The following EPHA6 variants were observed in gnomAD, a reference collection of about 807,000 sequenced individuals.
EPHA6 encodes ephrin type-A receptor 6.
In EPHA6, 50 loss-of-function variants were observed where a neutral mutation model predicts 112.0. That is an observed-to-expected ratio of 0.45 (90% CI 0.36 to 0.56). EPHA6 has a LOEUF of 0.56. Among genes scored for constraint, EPHA6 ranks in the 20% least tolerant of loss-of-function variants. The pLI is 0.00. For synonymous variants in EPHA6, 529 were observed against 490.7 expected (o/e 1.08, Z -1.03); for missense variants, 1,280 against 1,417.4 (o/e 0.90, Z 1.56).
chr3:97,278,014 A>C (rs1369078547), intron 5 of EPHA6, among the ~76,000 whole-genome samples: 1 of 152,244 alleles, frequency 6.6e-6, no homozygotes, highest in Non-Finnish European at 1.5e-5. Context: ...TATGCTGTCT[A>C]TCGTTGACCG....
intron 2 of EPHA6, among the ~76,000 whole-genome samples, chr3:96,941,897 T>C (rs1168806235): frequency 7.0e-6 from 1 of 143,722 alleles, no homozygotes; most frequent in Admixed American, 6.7e-5. Context: ...CCAGCAGCGG[T>C]GGCTGTAGAA....
At chr3:97,285,654 C>T (rs990699741) in intron 5 of EPHA6, among the ~76,000 whole-genome samples, 1 of 151,076 alleles carries the variant, frequency 6.6e-6, no homozygotes, top group Non-Finnish European at 1.5e-5. Context: ...CATATATTTG[C>T]TATTGCAAAT....
At chr3:97,606,822 A>G (rs1214832156) in intron 12 of EPHA6, among the ~76,000 whole-genome samples, 1 of 151,198 alleles carries the variant, frequency 6.6e-6, no homozygotes, top group Non-Finnish European at 1.5e-5. Flanking sequence ...TATCTCTACA[A>G]CAGAAACATG....
intron 3 of EPHA6, among the ~76,000 whole-genome samples, chr3:97,012,585 A>ATGTG (rs200953475): frequency 1.6e-4 from 23 of 141,164 alleles, no homozygotes; most frequent in South Asian, 1.3e-3. Context: ...AAATTTATAT[A>ATGTG]TGTGTGTGTG....
chr3:97,369,820 A>T (rs2108974560), intron 5 of EPHA6, among the ~76,000 whole-genome samples: 1 of 152,230 alleles, frequency 6.6e-6, no homozygotes, highest in South Asian at 2.1e-4. Flanking sequence ...CCAGTTATTT[A>T]CCAAATTTAG....
intron 14 of EPHA6, among the ~76,000 whole-genome samples, chr3:97,669,585 T>C (rs1344403372): frequency 6.7e-6 from 1 of 149,606 alleles, no homozygotes. Flanking sequence ...AACATAGTGA[T>C]ATCCCATCTT....
intron 14 of EPHA6, among the ~76,000 whole-genome samples, chr3:97,707,935 T>A (rs2107755112): frequency 6.6e-6 from 1 of 152,342 alleles, no homozygotes; most frequent in Middle Eastern, 3.4e-3. Context: ...CTCAGCCATG[T>A]AGAACTGTAA....
intron 3 of EPHA6, among the ~76,000 whole-genome samples, chr3:97,173,940 A>G (rs183090435): frequency 2.2e-4 from 34 of 151,890 alleles, no homozygotes; most frequent in African/African-American, 8.2e-4. Context: ...TATTAACTAC[A>G]GTCACCCTAT....
chr3:97,533,248 G>C (rs1363286312), intron 11 of EPHA6, among the ~76,000 whole-genome samples: 4 of 151,852 alleles, frequency 2.6e-5, no homozygotes, highest in Admixed American at 6.6e-5. Context: ...ATCCAATACA[G>C]ATTTGGCCTT....
At chr3:97,061,705 C>A (rs1199419228) in intron 3 of EPHA6, among the ~76,000 whole-genome samples, 2 of 152,060 alleles carry the variant, frequency 1.3e-5, no homozygotes, top group African/African-American at 2.4e-5. Flanking sequence ...GTCACTTAAA[C>A]AATGATGCCC....
At chr3:97,235,026 G>C (rs1057355235) in intron 4 of EPHA6, among the ~76,000 whole-genome samples, 10 of 152,034 alleles carry the variant, frequency 6.6e-5, no homozygotes, top group Non-Finnish European at 1.3e-4. Flanking sequence ...TACTTGAAAT[G>C]CTCCTTCCTT....
chr3:97,433,970 C>A (rs1425346353), intron 6 of EPHA6, among the ~76,000 whole-genome samples: 1 of 152,020 alleles, frequency 6.6e-6, no homozygotes, highest in African/African-American at 2.4e-5. Context: ...CCACCAAACA[C>A]CTTAAATTTT....
chr3:97,085,960 T>C (rs1238192962), intron 3 of EPHA6, among the ~76,000 whole-genome samples: 1 of 142,318 alleles, frequency 7.0e-6, no homozygotes, highest in Non-Finnish European at 1.5e-5. Context: ...CACACTGAGA[T>C]GGAGTCTCTT....
intron 3 of EPHA6, among the ~76,000 whole-genome samples, chr3:97,219,057 A>C (rs2078115372): frequency 6.6e-6 from 1 of 152,138 alleles, no homozygotes; most frequent in African/African-American, 2.4e-5. Context: ...GGTCACCCTG[A>C]TGCAAGAGGT....
chr3:97,494,158 C>G (rs1178233578), intron 10 of EPHA6, among the ~76,000 whole-genome samples: 1 of 152,142 alleles, frequency 6.6e-6, no homozygotes, highest in Non-Finnish European at 1.5e-5. Context: ...TTTATCACAA[C>G]TTTTATTAAC....
At chr3:97,389,591 G>T (rs940863163) in intron 5 of EPHA6, among the ~76,000 whole-genome samples, 2 of 151,926 alleles carry the variant, frequency 1.3e-5, no homozygotes, top group African/African-American at 4.8e-5. Context: ...GGTTTAAAAG[G>T]TTTTACAAGG....
chr3:97,432,525 T>C (rs539786134), intron 6 of EPHA6, among the ~76,000 whole-genome samples: 24 of 152,168 alleles, frequency 1.6e-4, no homozygotes, highest in Non-Finnish European at 3.1e-4. Context: ...TCACCTGTCT[T>C]GTAAGTCACA....
intron 5 of EPHA6, among the ~76,000 whole-genome samples, chr3:97,326,320 A>G (rs1359615409): frequency 6.6e-6 from 1 of 151,940 alleles, no homozygotes; most frequent in East Asian, 1.9e-4. Flanking sequence ...TTGCAGCATT[A>G]TATGCAATAG....
At chr3:97,687,358 TA>T (rs1328373323) in intron 14 of EPHA6, among the ~76,000 whole-genome samples, 2 of 152,218 alleles carry the variant, frequency 1.3e-5, no homozygotes, top group African/African-American at 4.8e-5. Flanking sequence ...AGTAGTTATA[TA>T]TTTTTTAACA....
Sources: allele counts gnomAD v4.1 joint callset (sites outside exome capture counted in the v4.1 genomes callset), GRCh38; gene constraint gnomAD v4.1.1; transcripts MANE v1.5; gene names NCBI Gene and HGNC (gene_info 2026-07-23, HGNC 2026-07-21).